ZFYVE9: variants seen among roughly 807,000 people sequenced by gnomAD.
The protein encoded by ZFYVE9 is zinc finger FYVE-type containing 9.
ZFYVE9 carries 43 observed loss-of-function variants against 126.7 expected under a neutral mutation model. The ratio of observed to expected loss-of-function variants is 0.34; its 90% CI spans 0.27 to 0.44. The LOEUF (loss-of-function observed/expected upper bound fraction) is 0.44, where lower values mean the gene tolerates loss of function less well. Ranked by LOEUF, ZFYVE9 falls within the 20% of genes least tolerant of loss-of-function variation. The pLI, the probability that ZFYVE9 is intolerant of heterozygous loss-of-function variation, is 1.00. For missense variants in ZFYVE9, 1,476 were observed against 1,697.0 expected, an observed-to-expected ratio of 0.87 and a Z score of 2.29; for synonymous variants, 521 against 597.4, an observed-to-expected ratio of 0.87 and a Z score of 1.87.
Position 52,337,927 on chromosome 1 carries a change from A to T in ZFYVE9, c.3826A>T (p.Ser1276Cys). 1.9e-6 allele frequency: 3 copies of T among 1,614,158 alleles called. No individual in the cohort carries two copies. The highest frequency in any genetic ancestry group is 2.5e-6 in the Non-Finnish European group (3 of 1,180,004). ...GTGGGTGGATGATGACAAGAACGTT[A>T]GCAAGGGGTAAATGCAGCACATGTC... is the stretch of plus-strand genomic sequence containing the variant. Reference protein sequence around the residue: ...IQWVDDDKNVSKGVVSPIDGK... With the variant: ...IQWVDDDKNVCKGVVSPIDGK... Residue 1276 changes from serine (S) to cysteine (C), a missense_variant, in exon 16 of 19, where the codon AGC (serine) becomes TGC (cysteine). Physicochemically the swap from Ser to Cys is moderately radical, Grantham distance 112 (BLOSUM62 -1). Coordinates refer to ENST00000287727, the MANE Select transcript of ZFYVE9 (RefSeq NM_004799.4).
chr1:52,212,030 C>T (rs1262668907), intron 1 of ZFYVE9, among the ~76,000 whole-genome samples: 1 of 152,196 alleles, frequency 6.6e-6, no homozygotes, highest in Non-Finnish European at 1.5e-5. Context: ...CTTCATATTA[C>T]AGTTAAAATT....
At chr1:52,171,587 A>G (rs1260815178) in intron 1 of ZFYVE9, among the ~76,000 whole-genome samples, 1 of 152,160 alleles carries the variant, frequency 6.6e-6, no homozygotes, top group African/African-American at 2.4e-5. Context: ...TGACTTCCAC[A>G]ATGGTTGAAC....
At chr1:52,189,411 A>G (rs1271118112) in intron 1 of ZFYVE9, among the ~76,000 whole-genome samples, 2 of 151,788 alleles carry the variant, frequency 1.3e-5, no homozygotes, top group African/African-American at 2.4e-5. Context: ...TAATGTTTGT[A>G]TTTTTAGTAG....
chr1:52,152,257 T>C (rs1036309043), intron 1 of ZFYVE9, among the ~76,000 whole-genome samples: 3 of 152,244 alleles, frequency 2.0e-5, no homozygotes, highest in Admixed American at 6.5e-5. Context: ...CCTAAAGTAC[T>C]GGGATTACAG....
At chr1:52,279,611 A>C (rs1302258455) in intron 9 of ZFYVE9, among the ~76,000 whole-genome samples, 4 of 152,108 alleles carry the variant, frequency 2.6e-5, no homozygotes, top group African/African-American at 9.7e-5. Flanking sequence ...CTACAGGTGC[A>C]CACCACCATA....
At chr1:52,326,660 C>T (rs1413036541) in intron 13 of ZFYVE9, among the ~76,000 whole-genome samples, 25 of 133,010 alleles carry the variant, frequency 1.9e-4, no homozygotes, top group Non-Finnish European at 3.7e-4. Context: ...ACCAGCTTGA[C>T]CAACATGGTG....
chr1:52,300,543 A>G (rs958431638), intron 12 of ZFYVE9, among the ~76,000 whole-genome samples: 3 of 151,622 alleles, frequency 2.0e-5, no homozygotes, highest in Non-Finnish European at 4.4e-5. Context: ...GTGAGCCAAG[A>G]TCGTGCCACT....
At chr1:52,202,438 G>A (rs531225881) in intron 1 of ZFYVE9, among the ~76,000 whole-genome samples, 5 of 151,654 alleles carry the variant, frequency 3.3e-5, no homozygotes, top group East Asian at 3.9e-4. Context: ...CGCCACTACC[G>A]TCCGGCTAAT....
intron 1 of ZFYVE9, chr1:52,180,569 T>C (rs1183217465): frequency 1.6e-6 from 1 of 637,142 alleles, no homozygotes. Context: ...GCAGCTGCTA[T>C]CACTTTCTTG....
chr1:52,241,064 T>C (rs1645329236), intron 4 of ZFYVE9, among the ~76,000 whole-genome samples: 1 of 152,228 alleles, frequency 6.6e-6, no homozygotes, highest in Non-Finnish European at 1.5e-5. Context: ...TAGATTTTGG[T>C]TCCTCTTGCC....
At chr1:52,344,995 A>C (rs1288937727) in intron 18 of ZFYVE9, 51 bp downstream of exon 18, 2 of 1,594,366 alleles carry the variant, frequency 1.3e-6, no homozygotes, top group Admixed American at 3.4e-5. Flanking sequence ...CAACGTCTGT[A>C]TTTCTGACGT....
chr1:52,286,461 C>T (rs913946498), intron 10 of ZFYVE9, among the ~76,000 whole-genome samples: 1 of 152,098 alleles, frequency 6.6e-6, no homozygotes, highest in African/African-American at 2.4e-5. Flanking sequence ...ACTTTTTTGT[C>T]ATACACAGTT....
At chr1:52,254,719 C>T (rs1330708082) in intron 4 of ZFYVE9, among the ~76,000 whole-genome samples, 1 of 152,140 alleles carries the variant, frequency 6.6e-6, no homozygotes, top group East Asian at 1.9e-4. Context: ...GTAATCCCAG[C>T]CCTTTGGGAG....
At chr1:52,160,729 T>C in intron 1 of ZFYVE9, 1 of 407,118 alleles carries the variant, frequency 2.5e-6, no homozygotes, top group South Asian at 7.6e-5. Flanking sequence ...GACATTTTTC[T>C]AAGTTGCTTT....
intron 1 of ZFYVE9, among the ~76,000 whole-genome samples, chr1:52,181,720 C>T (rs1041009603): frequency 8.5e-4 from 129 of 151,424 alleles, no homozygotes; most frequent in Non-Finnish European, 1.1e-3. Flanking sequence ...ATGTGGGGAG[C>T]GCCTCTGCCC....
chr1:52,302,327 AT>A (rs1646043282), intron 12 of ZFYVE9, among the ~76,000 whole-genome samples: 1 of 152,198 alleles, frequency 6.6e-6, no homozygotes, highest in Admixed American at 6.5e-5. Context: ...CATATTCTAC[AT>A]TTCAGTAAAT....
At chr1:52,198,021 G>C (rs1285254364) in intron 1 of ZFYVE9, among the ~76,000 whole-genome samples, 1 of 151,918 alleles carries the variant, frequency 6.6e-6, no homozygotes, top group Non-Finnish European at 1.5e-5. Flanking sequence ...AATGGAGGTG[G>C]TAAAGACTTT....
At chr1:52,257,680 C>T (rs541306011) in intron 4 of ZFYVE9, among the ~76,000 whole-genome samples, 86 of 152,292 alleles carry the variant, frequency 5.6e-4, no homozygotes, top group African/African-American at 1.9e-3. Flanking sequence ...TATAGTCCTT[C>T]CCCAAAAAGT....
intron 1 of ZFYVE9, chr1:52,160,241 CTTTA>C (rs1311907493): frequency 9.5e-6 from 8 of 840,518 alleles, no homozygotes; most frequent in Non-Finnish European, 6.3e-6. Flanking sequence ...ACAGGATGGA[CTTTA>C]TTTTTCTCTT....
Sources: allele counts gnomAD v4.1 joint callset (sites outside exome capture counted in the v4.1 genomes callset), GRCh38; gene constraint gnomAD v4.1.1; transcripts MANE v1.5; gene names NCBI Gene and HGNC (gene_info 2026-07-23, HGNC 2026-07-21).